IBTK: variants seen among roughly 807,000 people sequenced by gnomAD.
The protein encoded by IBTK is BTK-binding protein.
A neutral mutation model predicts 154.9 loss-of-function variants in IBTK; 83 were observed. That is an observed-to-expected ratio of 0.54 (90% CI 0.45 to 0.64). The LOEUF is 0.64. Ranked by LOEUF, IBTK falls within the 30% of genes least tolerant of loss-of-function variation. The pLI is 0.00. For missense variants in IBTK, 1,332 were observed against 1,584.6 expected (o/e 0.84, Z 2.71); for synonymous variants, 515 against 536.1 (o/e 0.96, Z 0.54).
At chr6:82,218,207 G>C (rs1432968071) in intron 9 of IBTK, 70 bp from the exon 10 acceptor site, 1 of 1,093,518 alleles carries the variant, frequency 9.1e-7, no homozygotes, top group African/African-American at 1.6e-5. Context: ...CTTAAATCAA[G>C]ATATCAAGAG....
rs543227736 is a variant in IBTK at position 82,229,015 on chromosome 6, T to A, written c.544-1713A>T. ...ACTAACATTAATAATCTCTGTCTCA[T>A]GGTAGTTAATTAATTTGGTACTGTA... On this transcript the variant is annotated intron_variant, in intron 4 of 28. Transcript: ENST00000306270. Among the ~76,000 whole-genome samples the A allele has an allele frequency of 3.3e-4, 50 of 152,288 alleles. 1 individual carries two copies. Among genetic ancestry groups the A allele is most frequent in the Admixed American group, 2.0e-3 (31 of 15,292 alleles).
At chr6:82,189,531 T>C (rs542256573) in intron 25 of IBTK, among the ~76,000 whole-genome samples, 23 of 151,596 alleles carry the variant, frequency 1.5e-4, no homozygotes, top group African/African-American at 5.6e-4. Flanking sequence ...AAACAAGGAG[T>C]GTATCAAGAA....
intron 26 of IBTK, among the ~76,000 whole-genome samples, chr6:82,177,233 A>G (rs1768155183): frequency 6.6e-6 from 1 of 151,844 alleles, no homozygotes; most frequent in South Asian, 2.1e-4. Flanking sequence ...TTTTGGAGAC[A>G]GAGTCTCACT....
rs1225242721 is a variant in IBTK at position 82,175,047 on chromosome 6, A to G, written c.3726-1609T>C. The G allele has an allele frequency of 1.3e-5, 6 of 455,676 alleles. No homozygotes were observed. In the East Asian group the frequency reaches 4.2e-4, roughly 32 times the overall value. The allele number at this position is 455,676 out of a possible 1,614,324, so 28.2% of individuals were successfully genotyped here. A position where few individuals can be genotyped will look rare whatever the true frequency, so the allele number is the denominator to read the frequency against. On this transcript the variant is annotated intron_variant, in intron 26 of 28. Transcript: ENST00000306270. ...GCATCACACACTGTTATTATTGTTT[A>G]CATGTCAATCTTAACTGCTAGACTA...
At chr6:82,197,106 A>G (rs1363850392) in intron 21 of IBTK, among the ~76,000 whole-genome samples, 1 of 152,198 alleles carries the variant, frequency 6.6e-6, no homozygotes, top group East Asian at 1.9e-4. Flanking sequence ...TCCAGGTTCA[A>G]ACTTTTGCTT....
Position 82,196,326 on chromosome 6 carries a change from G to A in IBTK, c.3146C>T (p.Thr1049Ile). 1.2e-6 allele frequency: 2 copies of A among 1,606,414 alleles called. No individual in the cohort carries two copies. The highest frequency in any genetic ancestry group is 1.7e-5 in the Admixed American group (1 of 58,926). ...AATCTTATCTGAATGAAATCCTGTT[G>A]TGAAATCAGGGGACTGTAAATCTCT... The part of the protein sequence containing the change: ...SPRDLQSPDF[T>I]TGFHSDKIEA... The change falls in exon 22 of 29, where the codon ACA (threonine) becomes ATA (isoleucine). Residue 1049 changes from threonine (T) to isoleucine (I), a missense_variant. Physicochemically the swap from Thr to Ile is moderately conservative, Grantham distance 89. Transcript: ENST00000306270.
intron 4 of IBTK, 67 bp downstream of exon 4, chr6:82,231,651 G>T (rs913990824): frequency 1.5e-5 from 18 of 1,236,740 alleles, no homozygotes; most frequent in Non-Finnish European, 1.5e-5. Context: ...CACATGAAAA[G>T]CTGAACAATC....
chr6:82,231,360 TCAA>T, intron 4 of IBTK, among the ~76,000 whole-genome samples: 2 of 151,992 alleles, frequency 1.3e-5, no homozygotes, highest in South Asian at 4.1e-4. Flanking sequence ...ACACTGAGCT[TCAA>T]CAACAAATTC....
chr6:82,215,674 C>T (rs1769840873), intron 11 of IBTK, among the ~76,000 whole-genome samples: 1 of 149,414 alleles, frequency 6.7e-6, no homozygotes, highest in Admixed American at 6.7e-5. Context: ...GTAATCCCAA[C>T]TACTTGGGAG....
At chr6:82,241,020 C>T (rs929851019) in intron 1 of IBTK, among the ~76,000 whole-genome samples, 177 bp from the exon 2 acceptor site, 2 of 152,234 alleles carry the variant, frequency 1.3e-5, no homozygotes, top group South Asian at 2.1e-4. Context: ...TCAAGGTCAT[C>T]GCCAAGATCT....
Position 82,247,664 on chromosome 6 carries a change from A to C in IBTK, c.-460T>G, listed in dbSNP as rs1473185756. ...GCAATAAGAGAAACCGAACGGCGCC[A>C]GAGGGGCCAGTCCCCAGACCCGGGT... On this transcript the variant is annotated 5_prime_UTR_variant, in exon 1 of 29. Transcript: ENST00000306270. 1 of 398,772 alleles carries C rather than the reference A, an allele frequency of 2.5e-6. No individual in the cohort carries two copies. Among genetic ancestry groups the C allele is most frequent in the Admixed American group, 4.4e-5 (1 of 22,728 alleles). The allele number at this position is 398,772 out of a possible 1,614,324, so 24.7% of individuals were successfully genotyped here. A position where few individuals can be genotyped will look rare whatever the true frequency, so the allele number is the denominator to read the frequency against.
At position 82,245,539 on chromosome 6, in the gene IBTK, T is replaced by G. The variant is rs546836800; in HGVS notation, c.-358+2023A>C. 4.8e-4 allele frequency among the ~76,000 whole-genome samples: 73 copies of G among 152,064 alleles called. 1 individual carries two copies. Among genetic ancestry groups the G allele is most frequent in the African/African-American group, 1.6e-3 (68 of 41,436 alleles). On this transcript the variant is annotated intron_variant, in intron 1 of 28. Coordinates refer to ENST00000306270, the MANE Select transcript of IBTK (RefSeq NM_015525.4). ...GCAACTGCACTCCAGCCTGAGCGAC[T>G]GAGCGAGACTCCTTCTAAAAAAAAA...
In IBTK at chr6:82,194,647, G is replaced by A; in HGVS notation, c.3175-5C>T. 1 of 1,553,022 alleles carries A rather than the reference G, an allele frequency of 6.4e-7. No homozygotes were observed. The highest frequency in any genetic ancestry group is 8.7e-7 in the Non-Finnish European group (1 of 1,154,166). On this transcript the variant is annotated splice_polypyrimidine_tract_variant and splice_region_variant and intron_variant, in intron 22 of 28. Coordinates refer to ENST00000306270, the MANE Select transcript of IBTK (RefSeq NM_015525.4). ...AACATACGGTTTGACTTTCGCCTGG[G>A]GAGAGAAAAAAAATAAAAAAAGTTA...
In IBTK at chr6:82,214,719, C is replaced by T. The variant is rs1769802892; in HGVS notation, c.1712G>A (p.Gly571Asp). The part of the protein sequence containing the change: ...DSIHDVTFQV[G>D]NRLFPAHKYI... ...TTTATGTGCAGGGAAGAGTCTATTGCCAACTTGAAATGTCACATCATGAAT... is the reference window on the plus strand; with the variant it reads ...TTTATGTGCAGGGAAGAGTCTATTGTCAACTTGAAATGTCACATCATGAAT... The change falls in exon 12 of 29, where the codon GGC becomes GAC. Residue 571 changes from glycine to aspartate, a missense_variant. Transcript: ENST00000306270. The T allele has an allele frequency of 1.9e-6, 3 of 1,613,934 alleles. No homozygotes were observed. The highest frequency in any genetic ancestry group is 1.7e-5 in the Admixed American group (1 of 59,992).
At chr6:82,206,988 TA>T (rs1169950575) in intron 16 of IBTK, among the ~76,000 whole-genome samples, 1 of 152,156 alleles carries the variant, frequency 6.6e-6, no homozygotes, top group Non-Finnish European at 1.5e-5. Context: ...TAATTAATGG[TA>T]AAAAGGCTGA....
intron 25 of IBTK, among the ~76,000 whole-genome samples, chr6:82,190,618 T>C (rs578098966): frequency 6.6e-6 from 1 of 152,148 alleles, no homozygotes; most frequent in African/African-American, 2.4e-5. Context: ...TAACAAGCTA[T>C]GATTATAACC....
At chr6:82,194,452 A>G (rs1363462401) in intron 23 of IBTK, 27 bp downstream of exon 23, 2 of 1,410,428 alleles carry the variant, frequency 1.4e-6, no homozygotes, top group Middle Eastern at 1.8e-4. Flanking sequence ...TCAAACTAAC[A>G]GTTATAGAAT....
rs768066460 is a variant in IBTK at position 82,200,269 on chromosome 6, CAT to C, written c.2913-18_2913-17del. On this transcript the variant is annotated splice_polypyrimidine_tract_variant and intron_variant, in intron 20 of 28. Coordinates refer to ENST00000306270, the MANE Select transcript of IBTK (RefSeq NM_015525.4). The stretch of plus-strand genomic sequence containing the variant: ...CATAGTTTCCCTAGGAAAAAGCAAA[CAT>C]AATTTCAGCAGTGTTTAGGGAGGTA... 1.3e-6 allele frequency: 2 copies of C among 1,571,898 alleles called. No homozygotes were observed. Among genetic ancestry groups the C allele is most frequent in the Admixed American group, 3.4e-5 (2 of 59,630 alleles).
intron 3 of IBTK, 77 bp downstream of exon 3, chr6:82,234,082 G>T (rs909795993): frequency 8.4e-5 from 46 of 547,910 alleles, no homozygotes; most frequent in Admixed American, 3.4e-4. Context: ...GAAGTGATCC[G>T]CCTGCCTCAG....
Sources: gnomAD v4.1 joint callset for allele counts (sites outside exome capture counted in the v4.1 genomes callset) on GRCh38, gnomAD v4.1.1 for gene constraint, MANE v1.5 for transcripts, NCBI Gene and HGNC (gene_info 2026-07-23, HGNC 2026-07-21) for gene names.